NRXN1: variants seen among roughly 807,000 people sequenced by gnomAD.
NRXN1 encodes neurexin 1, also known as neurexin-1.
In NRXN1, 39 loss-of-function variants were observed where a neutral mutation model predicts 150.9. The ratio of observed to expected loss-of-function variants is 0.26; its 90% confidence interval spans 0.20 to 0.34. The LOEUF (loss-of-function observed/expected upper bound fraction) is 0.34, where lower values mean the gene tolerates loss of function less well. Ranked by LOEUF, NRXN1 falls within the 10% of genes least tolerant of loss-of-function variation. The pLI, the probability that NRXN1 is intolerant of heterozygous loss-of-function variation, is 1.00. For missense variants in NRXN1, 1,815 were observed against 1,949.9 expected, an observed-to-expected ratio of 0.93 and a Z score of 1.30; for synonymous variants, 924 against 757.0, an observed-to-expected ratio of 1.22 and a Z score of -3.62.
chr2:50,830,003 A>G (rs1461392310), intron 5 of NRXN1, among the ~76,000 whole-genome samples: 4 of 42,224 alleles, frequency 9.5e-5, no homozygotes, highest in Non-Finnish European at 3.5e-4. Flanking sequence ...CTGCTGGAAA[A>G]AAAAAAAAAA....
At chr2:50,379,226 C>A (rs1193325050) in intron 17 of NRXN1, among the ~76,000 whole-genome samples, 1 of 152,150 alleles carries the variant, frequency 6.6e-6, no homozygotes, top group Non-Finnish European at 1.5e-5. Flanking sequence ...AACTGACCAA[C>A]TGACTCTTTG....
At chr2:50,973,512 A>T (rs910276736) in intron 2 of NRXN1, among the ~76,000 whole-genome samples, 5 of 152,154 alleles carry the variant, frequency 3.3e-5, no homozygotes, top group Non-Finnish European at 5.9e-5. Context: ...AAAAAGAGTT[A>T]TCTGATTCGG....
At chr2:49,995,529 C>A (rs537360125) in intron 21 of NRXN1, among the ~76,000 whole-genome samples, 2 of 151,942 alleles carry the variant, frequency 1.3e-5, no homozygotes, top group African/African-American at 2.4e-5. Context: ...CGCCTCTAAT[C>A]CCAGCACTTT....
chr2:50,534,117 AC>A (rs2093191928), intron 10 of NRXN1, among the ~76,000 whole-genome samples: 1 of 151,996 alleles, frequency 6.6e-6, no homozygotes, highest in Admixed American at 6.6e-5. Flanking sequence ...ACACACACAC[AC>A]ACACACACAC....
chr2:50,961,272 G>C (rs1014973516), intron 2 of NRXN1, among the ~76,000 whole-genome samples: 1 of 151,768 alleles, frequency 6.6e-6, no homozygotes, highest in African/African-American at 2.4e-5. Flanking sequence ...TTAAAATGTA[G>C]ATTATTTTTC....
chr2:50,714,842 T>C (rs573365750), intron 5 of NRXN1, among the ~76,000 whole-genome samples: 9 of 152,280 alleles, frequency 5.9e-5, no homozygotes, highest in Admixed American at 5.9e-4. Context: ...TCATTCTGTT[T>C]GCTTTCATCT....
chr2:50,855,175 CTTTA>C (rs776648219), intron 5 of NRXN1, among the ~76,000 whole-genome samples: 2 of 151,822 alleles, frequency 1.3e-5, no homozygotes, highest in East Asian at 1.9e-4. Context: ...GAATATATTA[CTTTA>C]TTTATTACTT....
At chr2:49,992,089 A>C (rs1682063900) in intron 21 of NRXN1, among the ~76,000 whole-genome samples, 1 of 152,214 alleles carries the variant, frequency 6.6e-6, no homozygotes, top group African/African-American at 2.4e-5. Flanking sequence ...AATGGATCAA[A>C]CCCTTAAGTG....
chr2:50,644,388 C>T (rs1055967714), intron 5 of NRXN1, among the ~76,000 whole-genome samples: 6 of 151,804 alleles, frequency 4.0e-5, no homozygotes, highest in African/African-American at 1.4e-4. Context: ...AGCTATACTA[C>T]TTTCAAATTA....
At chr2:50,202,071 G>A (rs1486591678) in intron 18 of NRXN1, among the ~76,000 whole-genome samples, 1 of 152,076 alleles carries the variant, frequency 6.6e-6, no homozygotes, top group Non-Finnish European at 1.5e-5. Context: ...AAGTTAAAGG[G>A]GGAAACACAT....
chr2:49,929,664 T>G (rs549978604), intron 22 of NRXN1, among the ~76,000 whole-genome samples: 1 of 152,344 alleles, frequency 6.6e-6, no homozygotes, highest in South Asian at 2.1e-4. Context: ...TTTTATCTCC[T>G]GCCTGTTTAA....
intron 17 of NRXN1, among the ~76,000 whole-genome samples, chr2:50,384,514 A>AT (rs1295702310): frequency 5.1e-5 from 5 of 97,730 alleles, no homozygotes; most frequent in East Asian, 3.8e-4. Context: ...TCAAAAAAAA[A>AT]AAAAAAAAAA....
intron 18 of NRXN1, among the ~76,000 whole-genome samples, chr2:50,200,805 T>C (rs1041269960): frequency 7.2e-5 from 11 of 152,168 alleles, no homozygotes; most frequent in African/African-American, 2.4e-4. Context: ...TTAAAGTCAT[T>C]CCTAAGAACC....
intron 18 of NRXN1, among the ~76,000 whole-genome samples, chr2:50,128,421 A>G (rs763283627): frequency 7.9e-5 from 12 of 152,214 alleles, no homozygotes; most frequent in Non-Finnish European, 1.8e-4. Context: ...TAATATCATC[A>G]GGAAACATGT....
intron 21 of NRXN1, among the ~76,000 whole-genome samples, chr2:49,965,623 T>C (rs1489815481): frequency 1.3e-5 from 2 of 152,190 alleles, no homozygotes; most frequent in Non-Finnish European, 2.9e-5. Context: ...CCTACACAAG[T>C]TTTTGTGCCT....
chr2:50,779,331 TC>T (rs1704052173), intron 5 of NRXN1, among the ~76,000 whole-genome samples: 1 of 152,204 alleles, frequency 6.6e-6, no homozygotes, highest in African/African-American at 2.4e-5. Context: ...TTAATCCATG[TC>T]CCTGCAAAAT....
At chr2:50,289,614 A>G (rs938731339) in intron 17 of NRXN1, among the ~76,000 whole-genome samples, 31 of 152,176 alleles carry the variant, frequency 2.0e-4, no homozygotes, top group Non-Finnish European at 5.9e-5. Context: ...TCCTAAAGGC[A>G]ATTTACTATT....
intron 5 of NRXN1, among the ~76,000 whole-genome samples, chr2:50,833,814 A>G (rs1007467466): frequency 6.6e-6 from 1 of 152,234 alleles, no homozygotes; most frequent in African/African-American, 2.4e-5. Context: ...ATTTAAAAAA[A>G]TCTTCTAAGG....
chr2:50,763,040 C>T (rs1701986735), intron 5 of NRXN1, among the ~76,000 whole-genome samples: 1 of 151,898 alleles, frequency 6.6e-6, no homozygotes, highest in South Asian at 2.1e-4. Flanking sequence ...TCACGTATCA[C>T]CTCCTCCTCC....
Sources: gnomAD v4.1 joint callset for allele counts (sites outside exome capture counted in the v4.1 genomes callset) on GRCh38, gnomAD v4.1.1 for gene constraint, MANE v1.5 for transcripts, NCBI Gene and HGNC (gene_info 2026-07-23, HGNC 2026-07-21) for gene names.